Variants in STK3 observed in about 807,000 individuals in gnomAD.
STK3 encodes serine/threonine-protein kinase 3.
In STK3, 41 loss-of-function variants were observed where a neutral mutation model predicts 58.0. The ratio of observed to expected loss-of-function variants is 0.71; its 90% CI spans 0.55 to 0.92. The LOEUF (loss-of-function observed/expected upper bound fraction) is 0.92. Ranked by LOEUF, STK3 falls within the 40% of genes least tolerant of loss-of-function variation. The pLI is 0.00. For missense variants in STK3, 479 were observed against 602.7 expected, an observed-to-expected ratio of 0.79 and a Z score of 2.15; for synonymous variants, 170 against 191.0, an observed-to-expected ratio of 0.89 and a Z score of 0.91.
At chr8:98,795,925 T>C (rs191037884) in intron 1 of STK3, among the ~76,000 whole-genome samples, 2 of 152,062 alleles carry the variant, frequency 1.3e-5, no homozygotes, top group East Asian at 3.9e-4. Flanking sequence ...TATAAAACAC[T>C]GCTGAAAGAA....
chr8:98,855,704 T>C (rs1373607155), intron 3 of STK3, among the ~76,000 whole-genome samples: 1 of 152,110 alleles, frequency 6.6e-6, no homozygotes, highest in Admixed American at 6.6e-5. Context: ...GGGGCTTGTA[T>C]CTAGACTATA....
At position 98,838,976 on chromosome 8, in the gene STK3, T is replaced by C. The variant is rs891840681; in HGVS notation, c.110+44671A>G. Among the ~76,000 whole-genome samples, 4 of 145,032 alleles carry C rather than the reference T, an allele frequency of 2.8e-5. No homozygotes were observed. The Admixed American group carries it at 2.8e-4, about 10-fold the overall frequency. On this transcript the variant is annotated intron_variant, in intron 3 of 12. Coordinates refer to the STK3 transcript ENST00000523601. ...TTAACCTTCTTCTTTGTTTTTGTTT[T>C]GTTTGTTTGTTTTGTGTGTGTGTGT...
At chr8:98,679,031 T>G (rs1260414077) in intron 6 of STK3, among the ~76,000 whole-genome samples, 1 of 152,192 alleles carries the variant, frequency 6.6e-6, no homozygotes, top group Non-Finnish European at 1.5e-5. Flanking sequence ...CATCAGCAAA[T>G]CCTGTTAATC....
intron 3 of STK3, among the ~76,000 whole-genome samples, chr8:98,878,482 T>C (rs1467155684): frequency 6.6e-6 from 1 of 152,184 alleles, no homozygotes; most frequent in Non-Finnish European, 1.5e-5. Flanking sequence ...TCTGATTACC[T>C]ACTCCACCCA....
At chr8:98,863,323 G>A (rs1837002871) in intron 3 of STK3, among the ~76,000 whole-genome samples, 3 of 152,148 alleles carry the variant, frequency 2.0e-5, no homozygotes, top group Non-Finnish European at 4.4e-5. Flanking sequence ...ACATTGAGCT[G>A]AAGGCAGACT....
intron 4 of STK3, among the ~76,000 whole-genome samples, chr8:98,744,735 T>C (rs1829524343): frequency 6.6e-6 from 1 of 151,676 alleles, no homozygotes. Flanking sequence ...AGTATAATAA[T>C]AATTAAAAAA....
At chr8:98,712,182 C>A (rs1044984865) in intron 4 of STK3, among the ~76,000 whole-genome samples, 3 of 152,148 alleles carry the variant, frequency 2.0e-5, no homozygotes, top group African/African-American at 7.2e-5. Flanking sequence ...CAAAAACATG[C>A]CAAATTGTAA....
rs536000753 is a variant in STK3 at position 98,571,885 on chromosome 8, G to C, written c.948+7779C>G. ...CTTAACATTGTGATCCTTAAGAAAC[G>C]TCTGAGCTCCAGTGACAAGCAATTC... On this transcript the variant is annotated intron_variant, in intron 8 of 10. Coordinates refer to ENST00000419617, the MANE Select transcript of STK3 (RefSeq NM_006281.4). 5.9e-5 allele frequency among the ~76,000 whole-genome samples: 9 copies of C among 152,172 alleles called. No homozygotes were observed. The South Asian group carries it at 1.9e-3, about 32-fold the overall frequency.
At chr8:98,849,734 G>A (rs2922076) in intron 3 of STK3, among the ~76,000 whole-genome samples, 40,507 of 151,760 alleles carry the variant, frequency 0.27, 6,151 homozygotes, top group East Asian at 0.45. Flanking sequence ...AAAGAGATCC[G>A]TATCAATCTC....
At chr8:98,436,165 G>T (rs936746229) in intron 2 of STK3, among the ~76,000 whole-genome samples, 12 of 152,112 alleles carry the variant, frequency 7.9e-5, no homozygotes, top group African/African-American at 2.9e-4. Flanking sequence ...TTGAGGCGCT[G>T]TGTGCTGCAG....
chr8:98,486,337 GACAT>G (rs1822253809), intron 10 of STK3, among the ~76,000 whole-genome samples: 2 of 152,178 alleles, frequency 1.3e-5, no homozygotes, highest in African/African-American at 4.8e-5. Context: ...TGGGGAAACA[GACAT>G]ACAAACAACT....
intron 1 of STK3, among the ~76,000 whole-genome samples, chr8:98,919,179 G>A (rs548631519): frequency 1.3e-5 from 2 of 152,280 alleles, no homozygotes; most frequent in South Asian, 4.1e-4. Context: ...CCCCTCATAT[G>A]CCTCCCTTAC....
At chr8:98,765,523 T>G (rs1422762308) in intron 3 of STK3, among the ~76,000 whole-genome samples, 1 of 152,190 alleles carries the variant, frequency 6.6e-6, no homozygotes, top group Non-Finnish European at 1.5e-5. Context: ...GTGCCCAGAC[T>G]ACCCTGTGTC....
intron 1 of STK3, among the ~76,000 whole-genome samples, chr8:98,801,034 G>A (rs985346683): frequency 1.2e-4 from 18 of 152,238 alleles, no homozygotes; most frequent in Admixed American, 7.8e-4. Flanking sequence ...TTCACTAGGC[G>A]AAGCCAGCTG....
At chr8:98,640,578 A>G (rs1450614004) in intron 6 of STK3, among the ~76,000 whole-genome samples, 1 of 152,146 alleles carries the variant, frequency 6.6e-6, no homozygotes. Context: ...CAACACTTTC[A>G]TTGTACCAAT....
intron 1 of STK3, among the ~76,000 whole-genome samples, chr8:98,798,824 T>A (rs1315064796): frequency 1.3e-5 from 2 of 152,058 alleles, no homozygotes; most frequent in Admixed American, 1.3e-4. Context: ...ATCAGGCCTT[T>A]AAGAGGTAAT....
intron 7 of STK3, among the ~76,000 whole-genome samples, chr8:98,586,583 C>T (rs1814623405): frequency 6.7e-6 from 1 of 149,768 alleles, no homozygotes; most frequent in Non-Finnish European, 1.5e-5. Flanking sequence ...CTCTGCCCGG[C>T]TTTGGTATCA....
At chr8:98,425,854 C>T (rs745923922) in intron 3 of STK3, among the ~76,000 whole-genome samples, 1 of 152,194 alleles carries the variant, frequency 6.6e-6, no homozygotes, top group Non-Finnish European at 1.5e-5. Context: ...AGCCACCCTG[C>T]AAGGGCATTC....
At chr8:98,772,900 T>C (rs1831412318) in intron 2 of STK3, among the ~76,000 whole-genome samples, 1 of 152,168 alleles carries the variant, frequency 6.6e-6, no homozygotes, top group South Asian at 2.1e-4. Flanking sequence ...AATTTTTCTT[T>C]ATAAATTACC....
Sources: gnomAD v4.1 joint callset for allele counts (sites outside exome capture counted in the v4.1 genomes callset) on GRCh38, gnomAD v4.1.1 for gene constraint, MANE v1.5 for transcripts, NCBI Gene and HGNC (gene_info 2026-07-23, HGNC 2026-07-21) for gene names.